FAM168A: variants seen among roughly 807,000 people sequenced by gnomAD.
FAM168A encodes the protein protein FAM168A.
Under a neutral mutation model 28.5 loss-of-function variants are expected in FAM168A, and 3 were observed. The ratio of observed to expected loss-of-function variants is 0.11; its 90% CI spans 0.05 to 0.27. The LOEUF (loss-of-function observed/expected upper bound fraction) is 0.27. FAM168A is among the 10% of genes least tolerant of loss of function. FAM168A has a pLI of 1.00. For synonymous variants in FAM168A, 122 were observed against 124.2 expected, an observed-to-expected ratio of 0.98 and a Z score of 0.12; for missense variants, 222 against 311.5, an observed-to-expected ratio of 0.71 and a Z score of 2.16.
At position 73,514,318 on chromosome 11, in the gene FAM168A, C is replaced by T. The variant is rs374162244; in HGVS notation, c.-18-45826G>A. Among the ~76,000 whole-genome samples, 4 of 152,162 alleles carry T rather than the reference C, an allele frequency of 2.6e-5. No homozygotes were observed. The South Asian group carries it at 8.3e-4, about 32-fold the overall frequency. The stretch of plus-strand genomic sequence containing the variant: ...TAGTTAAATGAAATATATAAACGCA[C>T]CTGGCATAATACAACTGCTTTTGAG... On this transcript the variant is annotated intron_variant, in intron 1 of 7. Coordinates refer to ENST00000356467, the MANE Select transcript of FAM168A (RefSeq NM_015159.3).
rs979821557 is a variant in FAM168A, at chr11:73,402,884, C to A, written c.*3879G>T. On this transcript the variant is annotated 3_prime_UTR_variant, in exon 8 of 8. Transcript: ENST00000356467. ...AGGTCCTGGCCCAAAGCAGTTCATA[C>A]AAATCTGCTCAGCTCAGAGACTGGG... 1 of 152,212 alleles carries A rather than the reference C, an allele frequency of 6.6e-6. No homozygotes were observed. Among genetic ancestry groups the A allele is most frequent in the East Asian group, 1.9e-4 (1 of 5,194 alleles). The allele number at this position is 152,212 out of a possible 1,614,324, so 9.4% of individuals were successfully genotyped here. A position where few individuals can be genotyped will look rare whatever the true frequency, so the allele number is the denominator to read the frequency against.
intron 1 of FAM168A, among the ~76,000 whole-genome samples, chr11:73,505,273 ACAGAGAGCT>A (rs1421897946): frequency 2.0e-5 from 3 of 150,450 alleles, no homozygotes; most frequent in African/African-American, 7.4e-5. Flanking sequence ...GACTTTGGAG[ACAGAGAGCT>A]CAGGTTCAGA....
intron 1 of FAM168A, among the ~76,000 whole-genome samples, chr11:73,537,807 C>T (rs954261085): frequency 2.6e-5 from 4 of 152,152 alleles, no homozygotes; most frequent in African/African-American, 4.8e-5. Flanking sequence ...TGTATCTGCC[C>T]CAAGCCTTCA....
chr11:73,421,071 T>TG (rs34056123), intron 3 of FAM168A, among the ~76,000 whole-genome samples: 19,485 of 115,544 alleles, frequency 0.17, 1,578 homozygotes, highest in African/African-American at 0.29. Flanking sequence ...AATAAAGTCT[T>TG]GGGGGGGGGG....
intron 1 of FAM168A, among the ~76,000 whole-genome samples, chr11:73,534,407 A>AT (rs58113039): frequency 0.073 from 10,585 of 144,532 alleles, 652 homozygotes; most frequent in African/African-American, 0.17. Context: ...TTATTTATTT[A>AT]TTTTTTTTTT....
chr11:73,546,147 T>C lies in FAM168A; in HGVS notation c.-19+51776A>G, dbSNP rs145184490. 5.0e-4 allele frequency among the ~76,000 whole-genome samples: 76 copies of C among 152,280 alleles called. 1 individual carries two copies. The East Asian group carries it at 0.013, about 25-fold the overall frequency. Reference sequence around the variant, plus strand: ...AAGACTAAGATCATAAGCACACAGATTGACAACCACAGATTGAGAGAATGT... The same window carrying C: ...AAGACTAAGATCATAAGCACACAGACTGACAACCACAGATTGAGAGAATGT... On this transcript the variant is annotated intron_variant, in intron 1 of 7. Transcript: ENST00000356467.
intron 2 of FAM168A, among the ~76,000 whole-genome samples, chr11:73,437,585 C>T (rs747681532): frequency 1.3e-5 from 2 of 151,764 alleles, no homozygotes; most frequent in Non-Finnish European, 2.9e-5. Context: ...GTCAAAGCAC[C>T]GACTGGAGAG....
At chr11:73,588,485 G>A (rs1944342608) in intron 1 of FAM168A, among the ~76,000 whole-genome samples, 2 of 152,098 alleles carry the variant, frequency 1.3e-5, no homozygotes, top group Admixed American at 1.3e-4. Flanking sequence ...GAGCCCAGGA[G>A]TTGGAGACCA....
At chr11:73,423,012 C>G (rs1866825713) in intron 3 of FAM168A, among the ~76,000 whole-genome samples, 1 of 152,230 alleles carries the variant, frequency 6.6e-6, no homozygotes, top group Non-Finnish European at 1.5e-5. Flanking sequence ...GTAGCCTGGG[C>G]TCTGCCACTT....
chr11:73,429,430 A>G (rs1299356144), intron 3 of FAM168A, among the ~76,000 whole-genome samples: 1 of 152,226 alleles, frequency 6.6e-6, no homozygotes, highest in Non-Finnish European at 1.5e-5. Context: ...CTAAACAAGA[A>G]AATGGGCGGG....
Position 73,410,594 on chromosome 11 carries a change from A to T in FAM168A, c.420+800T>A, listed in dbSNP as rs562425702. The T allele has an allele frequency of 2.0e-5, 3 of 152,278 alleles. No homozygotes were observed. In the South Asian group the frequency reaches 6.2e-4, roughly 32 times the overall value. The allele number at this position is 152,278 out of a possible 1,614,324, so 9.4% of individuals were successfully genotyped here. On this transcript the variant is annotated intron_variant, in intron 5 of 7. Coordinates refer to ENST00000356467, the MANE Select transcript of FAM168A (RefSeq NM_015159.3). ...CCACTGGCCCACTGACTTGTAGGGG[A>T]AGTAAACAGGAGCCCCTGAGATCAT... is the stretch of plus-strand genomic sequence containing the variant.
intron 1 of FAM168A, among the ~76,000 whole-genome samples, chr11:73,519,724 G>T (rs1943352280): frequency 6.6e-6 from 1 of 152,018 alleles, no homozygotes; most frequent in South Asian, 2.1e-4. Context: ...AGATGATGAG[G>T]ATAGCTGGAA....
chr11:73,562,078 G>A (rs1943965472), intron 1 of FAM168A, among the ~76,000 whole-genome samples: 1 of 152,150 alleles, frequency 6.6e-6, no homozygotes, highest in Admixed American at 6.5e-5. Context: ...GAGTAGCTGG[G>A]ATTACAGGCG....
chr11:73,578,730 T>C (rs1944205710), intron 1 of FAM168A, among the ~76,000 whole-genome samples: 1 of 152,222 alleles, frequency 6.6e-6, no homozygotes, highest in South Asian at 2.1e-4. Flanking sequence ...ACAAATGAAA[T>C]GTTAATTACA....
At chr11:73,492,737 G>C (rs908717913) in intron 1 of FAM168A, among the ~76,000 whole-genome samples, 14 of 152,160 alleles carry the variant, frequency 9.2e-5, no homozygotes, top group African/African-American at 3.4e-4. Flanking sequence ...AAGAGAATAA[G>C]ATACGGTTTG....
chr11:73,529,801 T>TC (rs1943493997), intron 1 of FAM168A, among the ~76,000 whole-genome samples: 1 of 148,940 alleles, frequency 6.7e-6, no homozygotes, highest in Non-Finnish European at 1.5e-5. Context: ...TTCTTCTTTT[T>TC]TTTTTTTTTT....
At chr11:73,458,206 G>A (rs1277580291) in intron 2 of FAM168A, among the ~76,000 whole-genome samples, 1 of 152,204 alleles carries the variant, frequency 6.6e-6, no homozygotes, top group African/African-American at 2.4e-5. Context: ...AGAACAGGAA[G>A]CCAAGGAGAA....
chr11:73,488,148 T>C (rs1188496557), intron 1 of FAM168A, among the ~76,000 whole-genome samples: 2 of 152,096 alleles, frequency 1.3e-5, no homozygotes, highest in African/African-American at 4.8e-5. Context: ...TTTTTTCTTT[T>C]TAGACGAAGT....
intron 1 of FAM168A, among the ~76,000 whole-genome samples, chr11:73,562,618 G>A (rs1389531673): frequency 1.3e-5 from 2 of 152,132 alleles, no homozygotes; most frequent in African/African-American, 4.8e-5. Flanking sequence ...CCTGAGGTGA[G>A]GAGATCAAGA....
Sources: gnomAD v4.1 joint callset for allele counts (sites outside exome capture counted in the v4.1 genomes callset) on GRCh38, gnomAD v4.1.1 for gene constraint, MANE v1.5 for transcripts, NCBI Gene and HGNC (gene_info 2026-07-23, HGNC 2026-07-21) for gene names.